Variants in HIF1A observed in about 807,000 individuals in gnomAD.
The protein encoded by HIF1A is hypoxia inducible factor 1 subunit alpha.
Under a neutral mutation model 92.7 loss-of-function variants are expected in HIF1A, and 24 were observed. The ratio of observed to expected loss-of-function variants is 0.26; its 90% CI spans 0.19 to 0.36. The LOEUF (loss-of-function observed/expected upper bound fraction) is 0.36, where lower values mean the gene tolerates loss of function less well. HIF1A is among the 10% of genes least tolerant of loss of function. HIF1A has a pLI of 1.00. For synonymous variants in HIF1A, 319 were observed against 338.7 expected, an observed-to-expected ratio of 0.94 and a Z score of 0.64; for missense variants, 799 against 998.5, an observed-to-expected ratio of 0.80 and a Z score of 2.69.
rs778648481 is a variant in HIF1A, at chr14:61,720,393, A to C, written c.47A>C (p.Glu16Ala). The C allele has an allele frequency of 6.2e-7, 1 of 1,611,212 alleles. No homozygotes were observed. The highest frequency in any genetic ancestry group is 2.2e-5 in the East Asian group (1 of 44,810). The change falls in exon 2 of 15, where the codon GAA becomes GCA. Residue 16 changes from glutamate (E) to alanine (A), a missense_variant. Around this residue, in one of 2 missense-constraint regions of HIF1A, gnomAD observed 516 missense variants for 721.0 expected, o/e 0.72. Transcript: ENST00000337138. The stretch of plus-strand genomic sequence containing the variant: ...TTGTTGTTAAGTAGGATAAGTTCTG[A>C]ACGTCGAAAAGAAAAGTCTCGAGAT... ...GANDKKKISS[E>A]RRKEKSRDAA...
intron 1 of HIF1A, among the ~76,000 whole-genome samples, chr14:61,711,083 A>G (rs968646626): frequency 1.3e-5 from 2 of 151,688 alleles, no homozygotes; most frequent in African/African-American, 2.4e-5. Context: ...AGGATTAGGT[A>G]TCAACTTAAT....
chr14:61,721,091 A>G (rs1218927664), intron 2 of HIF1A, among the ~76,000 whole-genome samples: 5 of 152,058 alleles, frequency 3.3e-5, no homozygotes, highest in Admixed American at 3.3e-4. Flanking sequence ...AATATAAAAA[A>G]TTAGATGGGC....
chr14:61,734,912 T>C (rs1182145967), intron 8 of HIF1A, among the ~76,000 whole-genome samples: 1 of 152,218 alleles, frequency 6.6e-6, no homozygotes, highest in Admixed American at 6.5e-5. Context: ...AAGTATAATT[T>C]AAAAAAGAAA....
intron 1 of HIF1A, among the ~76,000 whole-genome samples, chr14:61,705,646 G>A (rs1171756133): frequency 6.6e-6 from 1 of 152,140 alleles, no homozygotes; most frequent in Admixed American, 6.5e-5. Context: ...ATTAAAAATG[G>A]GGCTTCATAT....
intron 1 of HIF1A, among the ~76,000 whole-genome samples, chr14:61,718,235 T>G (rs1339600439): frequency 2.0e-5 from 3 of 152,148 alleles, no homozygotes; most frequent in Non-Finnish European, 2.9e-5. Context: ...GGAGAATTGC[T>G]TGAGCTTAGG....
intron 1 of HIF1A, among the ~76,000 whole-genome samples, chr14:61,710,011 AT>A: frequency 1.3e-5 from 2 of 152,234 alleles, no homozygotes; most frequent in East Asian, 3.9e-4. Context: ...AACACTGTAT[AT>A]CACTGTATTC....
intron 1 of HIF1A, among the ~76,000 whole-genome samples, chr14:61,718,511 T>C (rs2044388595): frequency 6.6e-6 from 1 of 152,210 alleles, no homozygotes; most frequent in Non-Finnish European, 1.5e-5. Context: ...AACTCCAGTG[T>C]ATGCTGGAGT....
Position 61,744,745 on chromosome 14 carries a change from G to C in HIF1A, c.2134G>C (p.Ala712Pro). 2 of 1,598,500 alleles carry C rather than the reference G, an allele frequency of 1.3e-6. No homozygotes were observed. The highest frequency in any genetic ancestry group is 1.7e-6 in the Non-Finnish European group (2 of 1,168,378). ...PEEELNPKIL[A>P]LQNAQRKRKM... ...GGAAGAACTAAATCCAAAGATACTA[G>C]CTTTGCAGAATGCTCAGAGAAAGCG... Residue 712 changes from alanine (A) to proline (P), a missense_variant, in exon 13 of 15, where the codon GCT becomes CCT. Physicochemically the swap from Ala to Pro is conservative, Grantham distance 27 (BLOSUM62 -1). Coordinates refer to ENST00000337138, the MANE Select transcript of HIF1A (RefSeq NM_001530.4).
At chr14:61,735,092 A>G (rs1291802693) in intron 8 of HIF1A, among the ~76,000 whole-genome samples, 3 of 152,160 alleles carry the variant, frequency 2.0e-5, no homozygotes, top group Non-Finnish European at 4.4e-5. Context: ...TGTCCACATT[A>G]TTACCACATT....
At chr14:61,726,208 T>C (rs765039164) in intron 4 of HIF1A, among the ~76,000 whole-genome samples, 3 of 152,080 alleles carry the variant, frequency 2.0e-5, no homozygotes, top group Non-Finnish European at 2.9e-5. Context: ...CCTGCTTTAC[T>C]AGATAAATTA....
At chr14:61,702,273 CAAAAAAAAA>C (rs34312928) in intron 1 of HIF1A, among the ~76,000 whole-genome samples, 1,026 of 101,972 alleles carry the variant, frequency 0.01, 24 homozygotes, top group African/African-American at 0.04. Context: ...ACTAAAAATA[CAAAAAAAAA>C]AAAAAAAAAA....
At chr14:61,720,675 C>T (rs1042618591) in intron 2 of HIF1A, 103 bp downstream of exon 2, 2 of 678,902 alleles carry the variant, frequency 2.9e-6, no homozygotes, top group African/African-American at 1.9e-5. Flanking sequence ...TTTTGTATAC[C>T]TCTTTATATT....
intron 14 of HIF1A, among the ~76,000 whole-genome samples, chr14:61,746,117 G>A (rs1483685567): frequency 6.6e-6 from 1 of 151,622 alleles, no homozygotes. Context: ...CCAGCTACTT[G>A]GGAGGCTGAG....
In HIF1A at chr14:61,740,634, G is replaced by T; in HGVS notation, c.1659+7G>T. 6.3e-7 allele frequency: 1 copy of T among 1,579,086 alleles called. No individual in the cohort carries two copies. Among genetic ancestry groups the T allele is most frequent in the South Asian group, 1.2e-5 (1 of 85,244 alleles). ...GAACCCATTTTCTACTCAGGTATAT[G>T]AACTTATTTGTTTTATATTAAATTT... On this transcript the variant is annotated splice_region_variant and intron_variant, in intron 11 of 14. Transcript: ENST00000337138.
intron 1 of HIF1A, among the ~76,000 whole-genome samples, chr14:61,701,069 C>G (rs1475441822): frequency 1.3e-5 from 2 of 152,166 alleles, no homozygotes; most frequent in Admixed American, 6.5e-5. Flanking sequence ...TACACCTGTT[C>G]TATTGTTGAT....
chr14:61,699,796 A>G (rs1350666854), intron 1 of HIF1A, among the ~76,000 whole-genome samples: 1 of 152,146 alleles, frequency 6.6e-6, no homozygotes. Context: ...CTGGAAGGTT[A>G]GAAAGAGAAT....
chr14:61,738,569 G>T (rs144752604), intron 10 of HIF1A, among the ~76,000 whole-genome samples, 196 bp downstream of exon 10: 7 of 152,316 alleles, frequency 4.6e-5, no homozygotes, highest in Admixed American at 4.6e-4. Context: ...CTCAAAGATA[G>T]TCAGGAACAT....
chr14:61,746,800 T>G lies in HIF1A; in HGVS notation c.2330-134T>G, dbSNP rs554816930. Reference sequence around the variant, plus strand: ...TTATACTTACTTTTTAACATAGTTGTGGTTTTGCCAGGTAAACTAAAAACC... The same window carrying G: ...TTATACTTACTTTTTAACATAGTTGGGGTTTTGCCAGGTAAACTAAAAACC... On this transcript the variant is annotated intron_variant, in intron 14 of 14. Coordinates refer to ENST00000337138, the MANE Select transcript of HIF1A (RefSeq NM_001530.4). The G allele has an allele frequency of 1.7e-5, 10 of 601,542 alleles. No individual in the cohort carries two copies. The African/African-American group carries it at 1.9e-4, about 11-fold the overall frequency. 37.3% of individuals were successfully genotyped at this position (601,542 alleles called of 1,614,324 possible).
At chr14:61,710,234 T>TA (rs774560261) in intron 1 of HIF1A, among the ~76,000 whole-genome samples, 3 of 152,198 alleles carry the variant, frequency 2.0e-5, no homozygotes, top group Non-Finnish European at 4.4e-5. Context: ...GTAGCTGGTT[T>TA]AATGGAAAGA....
Sources: gnomAD v4.1 joint callset for allele counts (sites outside exome capture counted in the v4.1 genomes callset) on GRCh38, gnomAD v4.1.1 for gene constraint, gnomAD v4.1.1 regional missense constraint, MANE v1.5 for transcripts, NCBI Gene and HGNC (gene_info 2026-07-23, HGNC 2026-07-21) for gene names.